Variants in ODAD2 observed in about 807,000 individuals in gnomAD.
ODAD2 encodes the protein outer dynein arm-docking complex subunit 2.
ODAD2 carries 89 observed loss-of-function variants against 106.8 expected under a neutral mutation model. That is an observed-to-expected ratio of 0.83 (90% CI 0.70 to 0.99). ODAD2 has a LOEUF of 0.99. ODAD2 is among the 50% of genes least tolerant of loss of function. ODAD2 has a pLI of 0.00. For synonymous variants in ODAD2, 404 were observed against 436.2 expected, an observed-to-expected ratio of 0.93 and a Z score of 0.92; for missense variants, 1,168 against 1,238.5, an observed-to-expected ratio of 0.94 and a Z score of 0.85.
rs1849787954 is a variant in ODAD2, at chr10:27,985,019, A to C, written c.575T>G (p.Leu192Ter). 6.2e-7 allele frequency: 1 copy of C among 1,604,344 alleles called. No homozygotes were observed. The highest frequency in any genetic ancestry group is 1.7e-5 in the Admixed American group (1 of 58,868). Reference protein sequence around the residue: ...LLNHSLKHISLEISLSPMTVK... With the variant: ...LLNHSLKHIS ...AGGTTCCTTTTTGAAAAAGACTCAC[A>C]ATGAAATATGTTTTAGAGAATGATT... Residue 192 changes from leucine to a stop codon, truncating the protein, a stop_gained and splice_region_variant, in exon 4 of 20, where the codon TTA (leucine) becomes TGA (stop). Coordinates refer to ENST00000305242, the MANE Select transcript of ODAD2 (RefSeq NM_018076.5). LOFTEE classifies it high-confidence loss of function.
At chr10:27,904,026 A>T (rs774200174) in intron 17 of ODAD2, among the ~76,000 whole-genome samples, 1 of 152,226 alleles carries the variant, frequency 6.6e-6, no homozygotes, top group African/African-American at 2.4e-5. Context: ...CAAAAAGGGT[A>T]TATGCAGACA....
At chr10:27,817,066 A>C (rs1564391192) in intron 19 of ODAD2, among the ~76,000 whole-genome samples, 1 of 152,162 alleles carries the variant, frequency 6.6e-6, no homozygotes, top group African/African-American at 2.4e-5. Context: ...GCAGTTTTAT[A>C]CATACACACA....
At chr10:27,878,682 C>T (rs776762356) in intron 17 of ODAD2, among the ~76,000 whole-genome samples, 3 of 152,074 alleles carry the variant, frequency 2.0e-5, no homozygotes, top group African/African-American at 4.8e-5. Context: ...AATAGCATGT[C>T]AGAGAAGTGA....
chr10:27,885,450 C>T (rs1190677554), intron 17 of ODAD2, among the ~76,000 whole-genome samples: 2 of 124,594 alleles, frequency 1.6e-5, no homozygotes, highest in Admixed American at 9.7e-5. Flanking sequence ...GTGGAGGTTG[C>T]AGTGAGCCAA....
chr10:27,984,335 A>G (rs764795725), intron 4 of ODAD2, 45 bp from the exon 5 acceptor site: 4 of 1,290,940 alleles, frequency 3.1e-6, no homozygotes, highest in Non-Finnish European at 4.5e-6. Flanking sequence ...TTTAAACAGA[A>G]TCTAGGAAAC....
chr10:27,912,776 C>A (rs1411625523), intron 16 of ODAD2, among the ~76,000 whole-genome samples: 2 of 152,090 alleles, frequency 1.3e-5, no homozygotes, highest in Non-Finnish European at 1.5e-5. Context: ...CGACTGTCAT[C>A]TACAAGTTTT....
intron 17 of ODAD2, among the ~76,000 whole-genome samples, chr10:27,907,279 T>C (rs187259695): frequency 1.3e-3 from 197 of 152,252 alleles, no homozygotes; most frequent in Middle Eastern, 0.01. Context: ...CTGCAGGCTG[T>C]AAGGACAATA....
At chr10:27,835,045 C>G (rs115503923) in intron 19 of ODAD2, among the ~76,000 whole-genome samples, 1,621 of 152,274 alleles carry the variant, frequency 0.011, 21 homozygotes, top group African/African-American at 0.037. Flanking sequence ...GGTTGCGGCA[C>G]AGCACATCCG....
At chr10:27,852,242 A>G (rs1477856304) in intron 19 of ODAD2, among the ~76,000 whole-genome samples, 1 of 152,244 alleles carries the variant, frequency 6.6e-6, no homozygotes, top group Non-Finnish European at 1.5e-5. Flanking sequence ...AGGAATAAAT[A>G]GCACTGGAAA....
At chr10:27,875,433 G>T (rs1005909288) in intron 17 of ODAD2, among the ~76,000 whole-genome samples, 2 of 152,168 alleles carry the variant, frequency 1.3e-5, no homozygotes, top group African/African-American at 4.8e-5. Flanking sequence ...GAGGCACTCT[G>T]ATTTTTAGAA....
chr10:27,818,301 C>G (rs1323949297), intron 19 of ODAD2, among the ~76,000 whole-genome samples: 3 of 151,940 alleles, frequency 2.0e-5, no homozygotes, highest in East Asian at 3.9e-4. Context: ...TGTATAACCC[C>G]TCGATTATAG....
chr10:27,971,382 C>T (rs1315738976), intron 7 of ODAD2, 69 bp from the exon 8 acceptor site: 35 of 1,311,544 alleles, frequency 2.7e-5, no homozygotes, highest in Non-Finnish European at 3.5e-5. Context: ...AAGATTAATG[C>T]CAGTGGTAAA....
chr10:27,817,482 T>A (rs562955042), intron 19 of ODAD2, among the ~76,000 whole-genome samples: 3 of 152,304 alleles, frequency 2.0e-5, no homozygotes, highest in African/African-American at 7.2e-5. Context: ...GGTAATTTTT[T>A]AACCCTCATT....
chr10:27,984,115 T>G, intron 5 of ODAD2, 69 bp downstream of exon 5: 1 of 1,491,912 alleles, frequency 6.7e-7, no homozygotes, highest in Non-Finnish European at 9.3e-7. Context: ...ATGTAGACAT[T>G]GAAAGCATTT....
chr10:27,870,821 G>T (rs112386727), intron 17 of ODAD2, among the ~76,000 whole-genome samples: 1,809 of 152,292 alleles, frequency 0.012, 36 homozygotes, highest in African/African-American at 0.04. Flanking sequence ...ACATACGTGT[G>T]CATGTGTCTT....
At chr10:27,918,270 T>C (rs1481383548) in intron 16 of ODAD2, among the ~76,000 whole-genome samples, 1 of 151,618 alleles carries the variant, frequency 6.6e-6, no homozygotes, top group African/African-American at 2.4e-5. Context: ...ACACAAAATA[T>C]AAAATATCAG....
At chr10:27,937,782 ATTT>A (rs1564523880) in intron 14 of ODAD2, among the ~76,000 whole-genome samples, 2 of 152,036 alleles carry the variant, frequency 1.3e-5, no homozygotes, top group Non-Finnish European at 1.5e-5. Flanking sequence ...TCTGCACGTG[ATTT>A]TCAATTCTGG....
rs568534155 is a variant in ODAD2, at chr10:27,908,925, C to T, written c.2496-1148G>A. 5.3e-5 allele frequency among the ~76,000 whole-genome samples: 8 copies of T among 152,112 alleles called. No individual in the cohort carries two copies. In the East Asian group the frequency reaches 9.7e-4, roughly 18 times the overall value. Reference sequence around the variant, plus strand: ...AGGACTTCTAATAAGAAAAAATACACGTAAAAATTATTTTAAAGCAAAGCT... The same window carrying T: ...AGGACTTCTAATAAGAAAAAATACATGTAAAAATTATTTTAAAGCAAAGCT... On this transcript the variant is annotated intron_variant, in intron 16 of 19. Coordinates refer to ENST00000305242, the MANE Select transcript of ODAD2 (RefSeq NM_018076.5).
At chr10:27,938,884 C>A (rs1283695699) in intron 14 of ODAD2, among the ~76,000 whole-genome samples, 3 of 152,018 alleles carry the variant, frequency 2.0e-5, no homozygotes, top group African/African-American at 7.2e-5. Context: ...ACGGGGACTG[C>A]AGGGCCGGGT....
Sources: gnomAD v4.1 joint callset for allele counts (sites outside exome capture counted in the v4.1 genomes callset) on GRCh38, gnomAD v4.1.1 for gene constraint, MANE v1.5 for transcripts, NCBI Gene and HGNC (gene_info 2026-07-23, HGNC 2026-07-21) for gene names.